Variants in VDAC1 observed in about 807,000 individuals in gnomAD.
The protein encoded by VDAC1 is non-selective voltage-gated ion channel VDAC1.
VDAC1 carries 10 observed loss-of-function variants against 34.7 expected under a neutral mutation model. That is an observed-to-expected ratio of 0.29 (90% confidence interval 0.18 to 0.49). VDAC1 has a LOEUF of 0.49. VDAC1 is among the 20% of genes least tolerant of loss of function. The probability of loss-of-function intolerance (pLI) is 0.99; values close to 1 mark genes in which losing one functional copy is unlikely to be tolerated. For synonymous variants in VDAC1, 130 were observed against 136.0 expected (o/e 0.96, Z 0.30); for missense variants, 230 against 347.9 (o/e 0.66, Z 2.69).
At chr5:134,025,868 T>A in the VDAC1 span, among the ~76,000 whole-genome samples, 4 of 152,112 alleles carry the variant, frequency 2.6e-5, no homozygotes, top group African/African-American at 7.2e-5. Context: ...ATGGAGGTGA[T>A]GTTTCTAGCT....
At chr5:134,014,333 G>GA in the VDAC1 span, among the ~76,000 whole-genome samples, 1 of 152,136 alleles carries the variant, frequency 6.6e-6, no homozygotes, top group East Asian at 1.9e-4. Context: ...CAACAAACAT[G>GA]AAAAAATGCT....
At chr5:134,090,976 T>C in the VDAC1 span, among the ~76,000 whole-genome samples, 1 of 152,174 alleles carries the variant, frequency 6.6e-6, no homozygotes, top group Non-Finnish European at 1.5e-5. Context: ...GTCCTACCCC[T>C]GATCTGTGGT....
intron 6 of VDAC1, among the ~76,000 whole-genome samples, chr5:133,976,985 AGT>A: frequency 6.6e-6 from 1 of 152,364 alleles, no homozygotes; most frequent in East Asian, 1.9e-4. Context: ...CAGAGGTTGC[AGT>A]GAGCTGAGAT....
chr5:134,114,009 C>G, the VDAC1 span, among the ~76,000 whole-genome samples: 1 of 152,150 alleles, frequency 6.6e-6, no homozygotes, highest in Non-Finnish European at 1.5e-5. Context: ...GGCTGAGGTC[C>G]GGTGCTCTTG....
At chr5:134,049,442 T>A in the VDAC1 span, among the ~76,000 whole-genome samples, 1 of 152,238 alleles carries the variant, frequency 6.6e-6, no homozygotes, top group South Asian at 2.1e-4. Context: ...CTGGTTTTAT[T>A]TTTTATTGCC....
At chr5:133,985,771 T>G (rs948875923) in intron 5 of VDAC1, among the ~76,000 whole-genome samples, 2 of 152,240 alleles carry the variant, frequency 1.3e-5, no homozygotes, top group African/African-American at 4.8e-5. Flanking sequence ...TAGACAGCTG[T>G]TGAGAGGCTG....
chr5:134,112,893 A>G, the VDAC1 span, among the ~76,000 whole-genome samples: 2 of 152,172 alleles, frequency 1.3e-5, no homozygotes, highest in African/African-American at 4.8e-5. Context: ...GGTGGAACTC[A>G]TGGGTCTGGG....
chr5:133,990,674 G>C (rs1482143622), intron 5 of VDAC1, among the ~76,000 whole-genome samples, 181 bp downstream of exon 5: 2 of 152,172 alleles, frequency 1.3e-5, no homozygotes, highest in African/African-American at 2.4e-5. Flanking sequence ...AGCATAGTCT[G>C]TTAGTGCATA....
chr5:134,044,824 C>T, the VDAC1 span, among the ~76,000 whole-genome samples: 14 of 152,200 alleles, frequency 9.2e-5, no homozygotes, highest in African/African-American at 2.7e-4. Context: ...TGAGGTACTG[C>T]GCCAGAGCTA....
At chr5:133,982,976 G>A (rs1034330718) in intron 5 of VDAC1, among the ~76,000 whole-genome samples, 8 of 151,860 alleles carry the variant, frequency 5.3e-5, no homozygotes, top group Non-Finnish European at 8.8e-5. Context: ...TCCACTGGGC[G>A]CAGTGGCTCA....
the VDAC1 span, among the ~76,000 whole-genome samples, chr5:134,083,190 C>CT: frequency 0.02 from 2,446 of 125,420 alleles, 101 homozygotes; most frequent in Admixed American, 0.067. Flanking sequence ...CTTTTTTTTT[C>CT]TTTTTTTTTT....
the VDAC1 span, among the ~76,000 whole-genome samples, chr5:134,056,571 C>T: frequency 1.3e-5 from 2 of 152,112 alleles, no homozygotes; most frequent in African/African-American, 4.8e-5. Context: ...TCCCGAAGTG[C>T]TGGGATTACA....
chr5:134,084,926 A>T, the VDAC1 span, among the ~76,000 whole-genome samples: 2 of 152,222 alleles, frequency 1.3e-5, no homozygotes, highest in Admixed American at 6.5e-5. Flanking sequence ...AGTGTCACAC[A>T]GCCAGTAGGC....
At chr5:134,028,697 C>T in the VDAC1 span, among the ~76,000 whole-genome samples, 7,546 of 152,240 alleles carry the variant, frequency 0.05, 234 homozygotes, top group East Asian at 0.13. Flanking sequence ...CGTCATTTCA[C>T]AGTGGGAAGG....
chr5:134,007,361 G>A (rs1753774057), upstream of VDAC1, among the ~76,000 whole-genome samples: 1 of 152,206 alleles, frequency 6.6e-6, no homozygotes, highest in East Asian at 1.9e-4. Flanking sequence ...CTTGAGGCCA[G>A]GAGTTCGAGG....
At chr5:134,044,959 G>A in the VDAC1 span, among the ~76,000 whole-genome samples, 195 of 152,316 alleles carry the variant, frequency 1.3e-3, no homozygotes, top group African/African-American at 4.5e-3. Flanking sequence ...AATTAGGCCC[G>A]GGAGCCAGAG....
the VDAC1 span, among the ~76,000 whole-genome samples, chr5:134,065,353 T>G: frequency 6.7e-6 from 1 of 148,398 alleles, no homozygotes; most frequent in Non-Finnish European, 1.5e-5. Flanking sequence ...TTTTTTTTTT[T>G]TTTTTTGAGA....
the VDAC1 span, among the ~76,000 whole-genome samples, chr5:134,015,728 T>C: frequency 2.0e-5 from 3 of 149,456 alleles, no homozygotes; most frequent in African/African-American, 7.4e-5. Flanking sequence ...CACTGCAACC[T>C]CCGCCTCCCG....
At chr5:134,008,272 T>C (rs1351663365), upstream of VDAC1, among the ~76,000 whole-genome samples, 2 of 152,022 alleles carry the variant, frequency 1.3e-5, no homozygotes, top group Non-Finnish European at 2.9e-5. Context: ...AGAGATGAGG[T>C]CCTGAATCTA....
Sources: gnomAD v4.1 joint callset for allele counts (sites outside exome capture counted in the v4.1 genomes callset) on GRCh38, gnomAD v4.1.1 for gene constraint, MANE v1.5 for transcripts, NCBI Gene and HGNC (gene_info 2026-07-23, HGNC 2026-07-21) for gene names.